The following PTPRD variants were observed in gnomAD, a reference collection of about 807,000 sequenced individuals.
PTPRD encodes the protein protein tyrosine phosphatase receptor type D.
A neutral mutation model predicts 214.5 loss-of-function variants in PTPRD; 34 were observed. The ratio of observed to expected loss-of-function variants is 0.16; its 90% CI spans 0.12 to 0.21. The LOEUF is 0.21. Among genes scored for constraint, PTPRD ranks in the 10% least tolerant of loss-of-function variants. PTPRD has a pLI of 1.00. For missense variants in PTPRD, 2,545 were observed against 2,398.7 expected (o/e 1.06, Z -1.27); for synonymous variants, 1,128 against 845.7 (o/e 1.33, Z -5.79).
At chr9:8,459,306 G>A (rs1028833074) in intron 33 of PTPRD, among the ~76,000 whole-genome samples, 6 of 152,030 alleles carry the variant, frequency 3.9e-5, no homozygotes, top group Non-Finnish European at 8.8e-5. Flanking sequence ...GACAGGGAGA[G>A]AAGCTATCTT....
intron 14 of PTPRD, among the ~76,000 whole-genome samples, chr9:8,571,856 C>T (rs1291507628): frequency 6.6e-6 from 1 of 152,030 alleles, no homozygotes; most frequent in Non-Finnish European, 1.5e-5. Flanking sequence ...AAGAGTCCAT[C>T]AACATGAAGC....
intron 8 of PTPRD, among the ~76,000 whole-genome samples, chr9:9,433,780 C>A (rs954683235): frequency 6.6e-6 from 1 of 152,092 alleles, no homozygotes; most frequent in African/African-American, 2.4e-5. Context: ...ACCAAAATGG[C>A]CATTGCATGT....
intron 11 of PTPRD, among the ~76,000 whole-genome samples, chr9:8,948,798 G>C (rs2099086372): frequency 6.6e-6 from 1 of 150,850 alleles, no homozygotes; most frequent in Non-Finnish European, 1.5e-5. Context: ...CAAAAGGATG[G>C]ATGAAGCCAT....
chr9:10,485,028 AT>A (rs34004774), intron 2 of PTPRD, among the ~76,000 whole-genome samples: 28,908 of 149,462 alleles, frequency 0.19, 2,931 homozygotes, highest in African/African-American at 0.23. Context: ...TTTTTACTTG[AT>A]TTTTTTTTTG....
chr9:9,127,146 T>G (rs1461485393), intron 10 of PTPRD, among the ~76,000 whole-genome samples: 1 of 152,050 alleles, frequency 6.6e-6, no homozygotes, highest in African/African-American at 2.4e-5. Flanking sequence ...GCTGGGACCA[T>G]GTACACATGC....
chr9:9,213,815 A>G (rs1330591747), intron 9 of PTPRD, among the ~76,000 whole-genome samples: 1 of 152,068 alleles, frequency 6.6e-6, no homozygotes, highest in East Asian at 1.9e-4. Context: ...ATATTTATCT[A>G]TCATCTCTCT....
At chr9:8,624,760 C>A (rs1242765461) in intron 14 of PTPRD, among the ~76,000 whole-genome samples, 2 of 151,776 alleles carry the variant, frequency 1.3e-5, no homozygotes, top group East Asian at 1.9e-4. Context: ...AAGGTTGATA[C>A]AAATTCATGC....
intron 14 of PTPRD, among the ~76,000 whole-genome samples, chr9:8,632,582 CTCTA>C (rs2096286680): frequency 6.6e-6 from 1 of 151,914 alleles, no homozygotes; most frequent in Non-Finnish European, 1.5e-5. Context: ...ATGTTCGTAT[CTCTA>C]TACAGAAGCC....
chr9:8,492,875 G>A lies in PTPRD; in HGVS notation c.2454C>T (p.Ser818=), dbSNP rs755058856. 1.2e-6 allele frequency: 2 copies of A among 1,613,172 alleles called. No homozygotes were observed. The highest frequency in any genetic ancestry group is 2.2e-5 in the East Asian group (1 of 44,856). The change falls in exon 27 of 46, where the codon TCC becomes TCT. Residue 818 remains serine, a synonymous_variant. Transcript: ENST00000381196. ...DGARSKPKLV[S]TTGAVPGKPR... Reference sequence around the variant, plus strand: ...AGACATGATTACCTGCCCCAGTGGTGGACACCAGTTTGGGCTTGCTGCGAG... The same window carrying A: ...AGACATGATTACCTGCCCCAGTGGTAGACACCAGTTTGGGCTTGCTGCGAG...
intron 9 of PTPRD, among the ~76,000 whole-genome samples, chr9:9,327,627 T>C (rs893810547): frequency 2.0e-5 from 3 of 152,152 alleles, no homozygotes; most frequent in Non-Finnish European, 4.4e-5. Context: ...AAGAGGTTTA[T>C]TCTAGGACAA....
rs551835909 is a variant in PTPRD, at chr9:9,159,707, G to A, written c.-143+23597C>T. 3.9e-4 allele frequency among the ~76,000 whole-genome samples: 60 copies of A among 152,078 alleles called. 1 individual carries two copies. The highest frequency in any genetic ancestry group is 1.3e-3 in the African/African-American group (56 of 41,494). On this transcript the variant is annotated intron_variant, in intron 10 of 45. Transcript: ENST00000381196. Reference sequence around the variant, plus strand: ...TTTTTCACAGAGATAAAAAACCTCCGAAATCCTTAAATTCGTATGGAACTA... The same window carrying A: ...TTTTTCACAGAGATAAAAAACCTCCAAAATCCTTAAATTCGTATGGAACTA...
chr9:8,588,429 C>T (rs1364181606), intron 14 of PTPRD, among the ~76,000 whole-genome samples: 2 of 152,160 alleles, frequency 1.3e-5, no homozygotes, highest in Non-Finnish European at 2.9e-5. Context: ...AAGTCTCCAA[C>T]ACTATGAAAT....
At chr9:9,890,208 A>G (rs1025781254) in intron 5 of PTPRD, among the ~76,000 whole-genome samples, 3 of 151,914 alleles carry the variant, frequency 2.0e-5, no homozygotes, top group East Asian at 3.9e-4. Context: ...TAACATTTTT[A>G]TTTTTTTGAG....
chr9:9,218,243 C>A (rs1008384553), intron 9 of PTPRD, among the ~76,000 whole-genome samples: 5 of 152,094 alleles, frequency 3.3e-5, no homozygotes, highest in Non-Finnish European at 5.9e-5. Context: ...TCAATTTTTT[C>A]TCTTTATATT....
intron 4 of PTPRD, among the ~76,000 whole-genome samples, chr9:10,014,154 G>A (rs2096654635): frequency 6.6e-6 from 1 of 151,890 alleles, no homozygotes; most frequent in African/African-American, 2.4e-5. Context: ...TTTCAGTCCT[G>A]AATATAATAC....
chr9:8,762,396 G>A (rs1331049366), intron 11 of PTPRD, among the ~76,000 whole-genome samples: 1 of 152,130 alleles, frequency 6.6e-6, no homozygotes, highest in Non-Finnish European at 1.5e-5. Flanking sequence ...GCATGCAGAA[G>A]TCAGCTATGT....
At chr9:9,693,890 T>C (rs147910153) in intron 7 of PTPRD, among the ~76,000 whole-genome samples, 264 of 152,336 alleles carry the variant, frequency 1.7e-3, no homozygotes, top group African/African-American at 6.1e-3. Flanking sequence ...GAGACTCTGT[T>C]GCATTCTTCA....
chr9:9,921,642 T>G (rs940356297), intron 5 of PTPRD, among the ~76,000 whole-genome samples: 4 of 151,966 alleles, frequency 2.6e-5, no homozygotes, highest in Non-Finnish European at 4.4e-5. Context: ...CTGATTTTTT[T>G]TTTTTTAAAC....
chr9:9,489,554 T>C (rs1183786380), intron 8 of PTPRD, among the ~76,000 whole-genome samples: 1 of 152,074 alleles, frequency 6.6e-6, no homozygotes, highest in East Asian at 1.9e-4. Context: ...GTGATATTGA[T>C]TTAGAGCTAG....
Sources: gnomAD v4.1 joint callset for allele counts (sites outside exome capture counted in the v4.1 genomes callset) on GRCh38, gnomAD v4.1.1 for gene constraint, MANE v1.5 for transcripts, NCBI Gene and HGNC (gene_info 2026-07-23, HGNC 2026-07-21) for gene names.